RFX6: variants seen among roughly 807,000 people sequenced by gnomAD.
RFX6 encodes the protein DNA-binding protein RFX6.
In RFX6, 50 loss-of-function variants were observed where a neutral mutation model predicts 110.8. That is an observed-to-expected ratio of 0.45 (90% CI 0.36 to 0.57). RFX6 has a LOEUF of 0.57. Among genes scored for constraint, RFX6 ranks in the 20% least tolerant of loss-of-function variants. The pLI is 0.00. For synonymous variants in RFX6, 383 were observed against 411.2 expected (o/e 0.93, Z 0.83); for missense variants, 990 against 1,127.0 (o/e 0.88, Z 1.74).
In RFX6 at chr6:116,918,060, T is replaced by G; in HGVS notation, c.996T>G (p.Pro332=). 1 of 1,608,456 alleles carries G rather than the reference T, an allele frequency of 6.2e-7. No individual in the cohort carries two copies. Among genetic ancestry groups the G allele is most frequent in the Non-Finnish European group, 8.5e-7 (1 of 1,175,890 alleles). Residue 332 remains proline (P), a synonymous_variant, in exon 10 of 19, where the codon CCT becomes CCG. Transcript: ENST00000332958. ...LYKVLTDVLI[P]ATMQEMPESL... is the part of the protein sequence containing the mutation. ...AGGTTCTTACAGATGTACTCATTCCTGCAACAATGCAAGAAATGCCTGAAA... is the reference window on the plus strand; with the variant it reads ...AGGTTCTTACAGATGTACTCATTCCGGCAACAATGCAAGAAATGCCTGAAA...
intron 18 of RFX6, 22 bp from the exon 19 acceptor site, chr6:116,931,309 C>T: frequency 6.4e-7 from 1 of 1,571,526 alleles, no homozygotes; most frequent in Non-Finnish European, 8.8e-7. Context: ...TTTTCAATTG[C>T]TGATTATATT....
At chr6:116,925,364 G>A in intron 15 of RFX6, 89 bp from the exon 16 acceptor site, 1 of 1,116,982 alleles carries the variant, frequency 9.0e-7, no homozygotes, top group Non-Finnish European at 1.4e-6. Flanking sequence ...ACTCAACAAT[G>A]AAACATTTTC....
At position 116,920,359 on chromosome 6, in the gene RFX6, C is replaced by T. The variant is rs748600355; in HGVS notation, c.1232C>T (p.Ser411Phe). 6.8e-5 allele frequency: 110 copies of T among 1,611,830 alleles called. No homozygotes were observed. Among genetic ancestry groups the T allele is most frequent in the Non-Finnish European group, 9.0e-5 (106 of 1,178,060 alleles). ...FDQHVVNSMV[S>F]DIERVDLNSI... ...CAGCATGTCGTTAATTCTATGGTGT[C>T]TGATATTGAAAGGGTTGATTTGAAC... The change falls in exon 12 of 19, where the codon TCT becomes TTT. Residue 411 changes from serine (S) to phenylalanine (F), a missense_variant. Physicochemically the swap from Ser to Phe is radical, Grantham distance 155. Transcript: ENST00000332958.
chr6:116,877,515 A>T lies in RFX6; in HGVS notation c.223+17A>T, dbSNP rs775392395. 6.5e-7 allele frequency: 1 copy of T among 1,537,704 alleles called. No homozygotes were observed. The highest frequency in any genetic ancestry group is 1.2e-5 in the South Asian group (1 of 83,010). The stretch of plus-strand genomic sequence containing the variant: ...TGAAATCAGGTGAGTGCTCTGCCGC[A>T]TCCGGAGCTGGGAAGGGGACGGGGA... On this transcript the variant is annotated intron_variant, in intron 1 of 18. Transcript: ENST00000332958.
chr6:116,923,449 T>C (rs1162626440), intron 14 of RFX6: 6 of 542,202 alleles, frequency 1.1e-5, no homozygotes, highest in Non-Finnish European at 2.0e-5. Context: ...AATCTGCTCA[T>C]TGAAGAAGGG....
chr6:116,924,596 T>G, intron 14 of RFX6, 73 bp from the exon 15 acceptor site: 4 of 1,356,670 alleles, frequency 2.9e-6, no homozygotes, highest in Non-Finnish European at 4.2e-6. Context: ...GACTTCTCTT[T>G]CCCTTTCCTT....
chr6:116,880,231 T>C (rs1774557751), intron 2 of RFX6, among the ~76,000 whole-genome samples: 1 of 152,084 alleles, frequency 6.6e-6, no homozygotes. Context: ...CATATTTATA[T>C]GTCACAGAGC....
At chr6:116,904,878 T>C (rs1775161744) in intron 6 of RFX6, among the ~76,000 whole-genome samples, 1 of 152,228 alleles carries the variant, frequency 6.6e-6, no homozygotes, top group South Asian at 2.1e-4. Flanking sequence ...TGATATTTCA[T>C]TGTATGTATA....
At chr6:116,919,820 A>G (rs1562145761) in intron 11 of RFX6, among the ~76,000 whole-genome samples, 2 of 152,186 alleles carry the variant, frequency 1.3e-5, no homozygotes, top group Non-Finnish European at 2.9e-5. Context: ...AGAATGATGC[A>G]TTTGTATATT....
chr6:116,901,339 G>C (rs1302034644), intron 6 of RFX6, among the ~76,000 whole-genome samples: 3 of 138,532 alleles, frequency 2.2e-5, no homozygotes, highest in African/African-American at 8.1e-5. Flanking sequence ...AGCCACATGT[G>C]ACTATTAATT....
chr6:116,909,126 TAATTA>T (rs1395533292), intron 6 of RFX6, among the ~76,000 whole-genome samples: 2 of 152,152 alleles, frequency 1.3e-5, no homozygotes, highest in Non-Finnish European at 2.9e-5. Flanking sequence ...TTTTGATTAC[TAATTA>T]TATTTCTTTA....
intron 6 of RFX6, among the ~76,000 whole-genome samples, chr6:116,896,624 T>G (rs919951464): frequency 3.9e-5 from 6 of 152,132 alleles, no homozygotes. Context: ...CAGAATCACT[T>G]GAGCCCTAGA....
chr6:116,887,730 A>C (rs1774729751), intron 4 of RFX6, among the ~76,000 whole-genome samples: 1 of 152,210 alleles, frequency 6.6e-6, no homozygotes, highest in Non-Finnish European at 1.5e-5. Context: ...AGAATTGTAA[A>C]ACAGGGTACC....
At chr6:116,883,533 A>G (rs1274582221) in intron 4 of RFX6, among the ~76,000 whole-genome samples, 3 of 152,168 alleles carry the variant, frequency 2.0e-5, no homozygotes, top group Admixed American at 2.0e-4. Context: ...ATGTAATCCA[A>G]TTTATCCAAA....
intron 6 of RFX6, among the ~76,000 whole-genome samples, chr6:116,909,342 T>G (rs1019314785): frequency 2.6e-5 from 4 of 152,250 alleles, no homozygotes; most frequent in African/African-American, 9.6e-5. Flanking sequence ...TTAGGTAAAT[T>G]TTTGTTATGC....
chr6:116,882,828 C>A (rs1303857473), intron 4 of RFX6, among the ~76,000 whole-genome samples: 4 of 152,072 alleles, frequency 2.6e-5, no homozygotes, highest in Non-Finnish European at 5.9e-5. Flanking sequence ...CTTTCTGAGA[C>A]AATAATTTCT....
At chr6:116,927,813 G>C (rs1775782306) in intron 17 of RFX6, among the ~76,000 whole-genome samples, 1 of 138,320 alleles carries the variant, frequency 7.2e-6, no homozygotes, top group South Asian at 2.4e-4. Flanking sequence ...GCAGGATCAT[G>C]ATTCACTGCA....
intron 6 of RFX6, among the ~76,000 whole-genome samples, chr6:116,897,137 G>C (rs1476653533): frequency 6.6e-6 from 1 of 152,170 alleles, no homozygotes; most frequent in African/African-American, 2.4e-5. Flanking sequence ...AAATAACTCA[G>C]AATATAGTGG....
chr6:116,917,865 T>C (rs560319713), intron 9 of RFX6, among the ~76,000 whole-genome samples, 172 bp from the exon 10 acceptor site: 1 of 145,428 alleles, frequency 6.9e-6, no homozygotes. Context: ...TCATACACAC[T>C]CACACACAAC....
Sources: allele counts gnomAD v4.1 joint callset (sites outside exome capture counted in the v4.1 genomes callset), GRCh38; gene constraint gnomAD v4.1.1; transcripts MANE v1.5; gene names NCBI Gene and HGNC (gene_info 2026-07-23, HGNC 2026-07-21).